Variants in BRD10 observed in about 807,000 individuals in gnomAD.
BRD10 encodes uncharacterized bromodomain-containing protein 10.
chr9:5,973,064 T>G, the BRD10 span, among the ~76,000 whole-genome samples: 2 of 151,806 alleles, frequency 1.3e-5, no homozygotes, highest in Non-Finnish European at 2.9e-5. Flanking sequence ...AGCACAAAGA[T>G]AGGGGAAAAA....
At chr9:5,936,148 G>C in the BRD10 span, among the ~76,000 whole-genome samples, 1 of 152,154 alleles carries the variant, frequency 6.6e-6, no homozygotes, top group Non-Finnish European at 1.5e-5. Flanking sequence ...TTAAGCCAAA[G>C]AGTTCGAGAC....
chr9:5,922,831 G>A, the BRD10 span: 3 of 1,613,880 alleles, frequency 1.9e-6, no homozygotes, highest in South Asian at 1.1e-5. Flanking sequence ...TTGTATTGGT[G>A]TGGCAGGTCA....
chr9:5,946,810 G>A, the BRD10 span, among the ~76,000 whole-genome samples: 1 of 151,988 alleles, frequency 6.6e-6, no homozygotes, highest in Non-Finnish European at 1.5e-5. Flanking sequence ...GAACCATGAA[G>A]ACATATACCC....
chr9:5,923,653 T>C, the BRD10 span, among the ~76,000 whole-genome samples: 3 of 152,194 alleles, frequency 2.0e-5, no homozygotes, highest in Non-Finnish European at 2.9e-5. Context: ...AGAATTTAAT[T>C]TGCAAAGGAA....
the BRD10 span, among the ~76,000 whole-genome samples, chr9:5,882,441 A>C: frequency 6.6e-6 from 1 of 152,246 alleles, no homozygotes; most frequent in African/African-American, 2.4e-5. Flanking sequence ...ACTAATGTTA[A>C]GAAAACCCTG....
the BRD10 span, chr9:5,919,585 A>ACAC: frequency 2.3e-5 from 8 of 351,178 alleles, no homozygotes; most frequent in African/African-American, 6.0e-5. Flanking sequence ...CACACACACA[A>ACAC]TGTATAGTAT....
chr9:5,920,165 G>A, the BRD10 span: 5 of 1,613,866 alleles, frequency 3.1e-6, no homozygotes, highest in African/African-American at 6.7e-5. Context: ...TGATGCTAGT[G>A]TGATCTTCTG....
the BRD10 span, among the ~76,000 whole-genome samples, chr9:5,940,135 A>G: frequency 1.3e-5 from 2 of 152,148 alleles, no homozygotes; most frequent in South Asian, 2.1e-4. Context: ...TCTTTTTAAC[A>G]TATCTTTTTA....
At chr9:5,961,658 A>G in the BRD10 span, among the ~76,000 whole-genome samples, 17 of 152,196 alleles carry the variant, frequency 1.1e-4, no homozygotes, top group Non-Finnish European at 2.2e-4. Flanking sequence ...GCATGAGATA[A>G]TGGACATTAT....
the BRD10 span, chr9:5,919,460 C>T: frequency 6.5e-6 from 3 of 462,598 alleles, no homozygotes; most frequent in Non-Finnish European, 1.1e-5. Flanking sequence ...AAACCCTCCT[C>T]AGAACAGTAA....
the BRD10 span, among the ~76,000 whole-genome samples, chr9:5,983,962 T>C: frequency 4.6e-5 from 6 of 129,640 alleles, no homozygotes; most frequent in African/African-American, 1.8e-4. Flanking sequence ...GTATATGCAT[T>C]ACACACACAC....
the BRD10 span, among the ~76,000 whole-genome samples, chr9:5,904,437 A>T: frequency 1.3e-5 from 2 of 151,748 alleles, no homozygotes; most frequent in East Asian, 3.9e-4. Context: ...ATTTTATATG[A>T]TTCCATTTTC....
At chr9:5,921,910 G>C in the BRD10 span, 2 of 1,613,940 alleles carry the variant, frequency 1.2e-6, no homozygotes, top group South Asian at 2.2e-5. Context: ...CCATGGATGG[G>C]GCAAAGCTAG....
At chr9:5,917,020 G>A in the BRD10 span, among the ~76,000 whole-genome samples, 3 of 152,114 alleles carry the variant, frequency 2.0e-5, no homozygotes, top group Admixed American at 2.0e-4. Flanking sequence ...TTAAAAAATG[G>A]AGCATTAGTT....
chr9:5,915,268 C>G, the BRD10 span, among the ~76,000 whole-genome samples: 1 of 151,880 alleles, frequency 6.6e-6, no homozygotes, highest in Non-Finnish European at 1.5e-5. Context: ...TCTGGCCCAC[C>G]TAATATCCTG....
chr9:5,904,938 T>G, the BRD10 span, among the ~76,000 whole-genome samples: 1 of 152,100 alleles, frequency 6.6e-6, no homozygotes, highest in Non-Finnish European at 1.5e-5. Flanking sequence ...CATGCCTGGC[T>G]AATTTTTTGT....
At chr9:5,989,676 T>C in the BRD10 span, among the ~76,000 whole-genome samples, 6 of 151,728 alleles carry the variant, frequency 4.0e-5, no homozygotes, top group African/African-American at 9.7e-5. Flanking sequence ...ACCACAGGCA[T>C]GTGCCACCAC....
At chr9:5,988,682 T>C in the BRD10 span, 3 of 639,654 alleles carry the variant, frequency 4.7e-6, no homozygotes, top group Admixed American at 2.9e-5. Context: ...TTGTTCTAAC[T>C]TTTTATCCTC....
At chr9:5,879,804 G>C in the BRD10 span, among the ~76,000 whole-genome samples, 1 of 152,306 alleles carries the variant, frequency 6.6e-6, no homozygotes, top group East Asian at 1.9e-4. Flanking sequence ...AGAGATAATG[G>C]ATTTATCCGA....
Sources: allele counts gnomAD v4.1 joint callset (sites outside exome capture counted in the v4.1 genomes callset), GRCh38; gene constraint gnomAD v4.1.1; transcripts MANE v1.5; gene names NCBI Gene and HGNC (gene_info 2026-07-23, HGNC 2026-07-21).